The following ADAM17 variants were observed in gnomAD, a reference collection of about 807,000 sequenced individuals.
The protein encoded by ADAM17 is ADAM metallopeptidase domain 17, also known as disintegrin and metalloproteinase domain-containing protein 17.
In ADAM17, 39 loss-of-function variants were observed where a neutral mutation model predicts 96.7. That is an observed-to-expected ratio of 0.40 (90% CI 0.31 to 0.53). ADAM17 has a LOEUF of 0.53. Among genes scored for constraint, ADAM17 ranks in the 20% least tolerant of loss-of-function variants. ADAM17 has a pLI of 0.44. For missense variants in ADAM17, 777 were observed against 1,013.2 expected, an observed-to-expected ratio of 0.77 and a Z score of 3.17; for synonymous variants, 344 against 359.2, an observed-to-expected ratio of 0.96 and a Z score of 0.48.
intron 1 of ADAM17, among the ~76,000 whole-genome samples, chr2:9,554,014 G>T (rs1361310202): frequency 6.6e-6 from 1 of 152,124 alleles, no homozygotes. Context: ...AGTGAGCTGA[G>T]ATCGCGCCAC....
At chr2:9,547,193 CCCT>C (rs778290374) in intron 1 of ADAM17, among the ~76,000 whole-genome samples, 2 of 152,032 alleles carry the variant, frequency 1.3e-5, no homozygotes, top group Non-Finnish European at 2.9e-5. Context: ...ATCCCCCTAC[CCCT>C]CCTTTCTTGC....
chr2:9,494,828 TC>T, intron 14 of ADAM17, 61 bp from the exon 15 acceptor site: 1 of 1,588,484 alleles, frequency 6.3e-7, no homozygotes, highest in Non-Finnish European at 8.6e-7. Flanking sequence ...TCCTCCTGCC[TC>T]CTCTTTCCTC....
intron 1 of ADAM17, among the ~76,000 whole-genome samples, chr2:9,545,198 C>T (rs954705723): frequency 2.6e-5 from 4 of 152,196 alleles, no homozygotes; most frequent in African/African-American, 9.6e-5. Context: ...CCTGCTCAAA[C>T]AGAAATCCGC....
chr2:9,523,991 C>CA (rs1664417113), intron 6 of ADAM17, among the ~76,000 whole-genome samples: 1 of 151,608 alleles, frequency 6.6e-6, no homozygotes, highest in South Asian at 2.1e-4. Context: ...CCTCTCACCT[C>CA]AGCCTCCTGA....
chr2:9,507,964 G>C (rs996876808), intron 11 of ADAM17, among the ~76,000 whole-genome samples: 2 of 152,080 alleles, frequency 1.3e-5, no homozygotes, highest in African/African-American at 2.4e-5. Context: ...TGCCCACCTC[G>C]GCCTCTCAAA....
At chr2:9,510,571 G>A (rs1663681118) in intron 10 of ADAM17, among the ~76,000 whole-genome samples, 2 of 152,102 alleles carry the variant, frequency 1.3e-5, no homozygotes, top group South Asian at 4.1e-4. Flanking sequence ...GGCTGAGGCA[G>A]GAGAACTGCT....
chr2:9,501,379 C>T (rs1223800554), intron 13 of ADAM17, among the ~76,000 whole-genome samples: 6 of 152,174 alleles, frequency 3.9e-5, no homozygotes, highest in Non-Finnish European at 8.8e-5. Flanking sequence ...AGCAGTGGTG[C>T]TCTAGAGACC....
chr2:9,532,124 T>C (rs1451793932), intron 4 of ADAM17, among the ~76,000 whole-genome samples: 1 of 152,218 alleles, frequency 6.6e-6, no homozygotes, highest in Non-Finnish European at 1.5e-5. Context: ...AAATATTTAA[T>C]GATGATGTGT....
intron 8 of ADAM17, among the ~76,000 whole-genome samples, chr2:9,520,896 G>A (rs1664277093): frequency 1.4e-5 from 2 of 142,110 alleles, no homozygotes. Context: ...CCTGGGAGAT[G>A]GAGGTTGCGG....
At chr2:9,493,357 T>A (rs1279701043) in intron 16 of ADAM17, among the ~76,000 whole-genome samples, 1 of 152,228 alleles carries the variant, frequency 6.6e-6, no homozygotes, top group Non-Finnish European at 1.5e-5. Flanking sequence ...TGATATACCC[T>A]GCTTCTGCAA....
chr2:9,502,303 G>A (rs1487795257), intron 12 of ADAM17, 27 bp from the exon 13 acceptor site: 1 of 1,568,524 alleles, frequency 6.4e-7, no homozygotes, highest in Non-Finnish European at 8.8e-7. Flanking sequence ...GACAGGAACA[G>A]AGCAATTCAA....
intron 11 of ADAM17, among the ~76,000 whole-genome samples, chr2:9,508,962 A>G (rs1382612446): frequency 1.3e-5 from 2 of 150,748 alleles, no homozygotes; most frequent in Non-Finnish European, 3.0e-5. Context: ...GCCAAAGAAA[A>G]TGAGATGCAG....
chr2:9,510,559 G>A (rs1395454141), intron 10 of ADAM17, among the ~76,000 whole-genome samples: 1 of 152,166 alleles, frequency 6.6e-6, no homozygotes, highest in Non-Finnish European at 1.5e-5. Context: ...AACTACTCGG[G>A]AGGCTGAGGC....
chr2:9,514,570 A>ATATATATATATAT (rs1663954843), intron 10 of ADAM17, among the ~76,000 whole-genome samples: 3 of 92,836 alleles, frequency 3.2e-5, no homozygotes, highest in African/African-American at 1.2e-4. Context: ...TATATATATA[A>ATATATATATATAT]ATAAAAAGAG....
At position 9,546,320 on chromosome 2, in the gene ADAM17, A is replaced by G. The variant is rs1665401789; in HGVS notation, c.98-3035T>C. Among the ~76,000 whole-genome samples the G allele has an allele frequency of 2.6e-5, 4 of 152,324 alleles. No homozygotes were observed. In the South Asian group the frequency reaches 8.3e-4, roughly 32 times the overall value. Reference sequence around the variant, plus strand: ...GCACTTTAAAATACTTAACTAATGCATTTCAACTGCAATTGATTCTCTTTT... The same window carrying G: ...GCACTTTAAAATACTTAACTAATGCGTTTCAACTGCAATTGATTCTCTTTT... On this transcript the variant is annotated intron_variant, in intron 1 of 18. Coordinates refer to ENST00000310823, the MANE Select transcript of ADAM17 (RefSeq NM_003183.6).
In ADAM17 at chr2:9,518,139, G is replaced by A. The variant is rs148983888; in HGVS notation, c.1066C>T (p.Pro356Ser). 33 of 1,600,448 alleles carry A rather than the reference G, an allele frequency of 2.1e-5. No individual in the cohort carries two copies. Among genetic ancestry groups the A allele is most frequent in the Non-Finnish European group, 2.6e-5 (31 of 1,176,358 alleles). The change falls in exon 9 of 19, where the codon CCC (proline) becomes TCC (serine). Residue 356 changes from proline (P) to serine (S), a missense_variant. This residue lies in a region of ADAM17 where 446 missense variants were observed against 664.7 expected (regional missense o/e 0.67). Coordinates refer to ENST00000310823, the MANE Select transcript of ADAM17 (RefSeq NM_003183.6). ...ACACCTCCATGGCTGTTTGCTCTGGGAGAGCCAACATAAGCTAATCCAAGA... is the reference window on the plus strand; with the variant it reads ...ACACCTCCATGGCTGTTTGCTCTGGAAGAGCCAACATAAGCTAATCCAAGA... The part of the protein sequence containing the change: ...GTLGLAYVGS[P>S]RANSHGGVCP...
intron 13 of ADAM17, 128 bp from the exon 14 acceptor site, chr2:9,497,376 GC>G: frequency 8.4e-7 from 1 of 1,193,298 alleles, no homozygotes; most frequent in Non-Finnish European, 1.2e-6. Context: ...GACCTACAGA[GC>G]TAGGACAAGA....
chr2:9,493,686 T>C, intron 16 of ADAM17, 61 bp downstream of exon 16: 2 of 1,447,832 alleles, frequency 1.4e-6, no homozygotes, highest in South Asian at 1.2e-5. Flanking sequence ...AAGCACACTT[T>C]TCTAATGTCA....
At chr2:9,554,721 T>C (rs1665688901) in intron 1 of ADAM17, among the ~76,000 whole-genome samples, 1 of 152,184 alleles carries the variant, frequency 6.6e-6, no homozygotes. Flanking sequence ...CCACCAAAGT[T>C]CAGATCCCTT....
Sources: allele counts gnomAD v4.1 joint callset (sites outside exome capture counted in the v4.1 genomes callset), GRCh38; gene constraint gnomAD v4.1.1; regional missense constraint gnomAD v4.1.1; transcripts MANE v1.5; gene names NCBI Gene and HGNC (gene_info 2026-07-23, HGNC 2026-07-21).